COMT: variants seen among roughly 807,000 people sequenced by gnomAD.
COMT encodes catechol O-methyltransferase.
In COMT, 13 loss-of-function variants were observed where a neutral mutation model predicts 18.9. That is an observed-to-expected ratio of 0.69 (90% confidence interval 0.45 to 1.09). COMT has a LOEUF of 1.09. COMT is among the 50% of genes least tolerant of loss of function. The probability of loss-of-function intolerance (pLI) is 0.00; values close to 1 mark genes in which losing one functional copy is unlikely to be tolerated. For synonymous variants in COMT, 150 were observed against 160.9 expected (o/e 0.93, Z 0.51); for missense variants, 329 against 361.8 (o/e 0.91, Z 0.73).
rs1036365119 is a variant in COMT, at chr22:19,962,443, G to A, written c.1-84G>A. On this transcript the variant is annotated intron_variant, in intron 2 of 5. Coordinates refer to ENST00000361682, the MANE Select transcript of COMT (RefSeq NM_000754.4). ...TGCCCCTCTGCAAACACAAGGGGGC[G>A]ATGGTGGCACTCCAAGCAAAGGGGC... 12 of 1,538,532 alleles carry A rather than the reference G, an allele frequency of 7.8e-6. No homozygotes were observed. The African/African-American group carries it at 8.2e-5, about 10-fold the overall frequency.
In COMT at chr22:19,962,791, G is replaced by A; in HGVS notation, c.265G>A (p.Ala89Thr). The A allele has an allele frequency of 1.2e-6, 2 of 1,606,436 alleles. No individual in the cohort carries two copies. ...IDTYCEQKEW[A>T]MNVGDKKGKI... ...CACCTACTGCGAGCAGAAGGAGTGG[G>A]CCATGAACGTGGGCGACAAGAAAGG... Residue 89 changes from alanine to threonine, a missense_variant, in exon 3 of 6, where the codon GCC becomes ACC. Physicochemically the swap from Ala to Thr is moderately conservative, Grantham distance 58. Transcript: ENST00000361682.
chr22:19,943,546 G>A (rs1342586314), intron 1 of COMT, among the ~76,000 whole-genome samples: 1 of 152,014 alleles, frequency 6.6e-6, no homozygotes, highest in Admixed American at 6.6e-5. Context: ...GGAGGCTGAG[G>A]TGAAAAGATC....
At chr22:19,951,465 C>T (rs1941936739) in intron 1 of COMT, 1 of 151,592 alleles carries the variant, frequency 6.6e-6, no homozygotes, top group Admixed American at 6.6e-5. Context: ...ATCCGATATT[C>T]TTCCGGACCA....
chr22:19,964,502 G>A, intron 5 of COMT: 1 of 792,838 alleles, frequency 1.3e-6, no homozygotes, highest in Non-Finnish European at 2.1e-6. Flanking sequence ...TGGGCCAGGG[G>A]CCTGGCTGGG....
chr22:19,950,241 C>CTTTTCTTTTTTTTTTTTTT (rs1941904578), intron 1 of COMT, among the ~76,000 whole-genome samples: 1 of 87,850 alleles, frequency 1.1e-5, no homozygotes, highest in African/African-American at 4.4e-5. Flanking sequence ...CTTTTCTTTT[C>CTTTTCTTTTTTTTTTTTTT]TTTTTTTTTT....
chr22:19,947,982 G>T (rs1941867082), intron 1 of COMT, among the ~76,000 whole-genome samples: 1 of 152,110 alleles, frequency 6.6e-6, no homozygotes, highest in African/African-American at 2.4e-5. Flanking sequence ...CTTGTCTTCT[G>T]GTCACTTCTC....
intron 1 of COMT, among the ~76,000 whole-genome samples, chr22:19,951,900 C>T (rs1164538932): frequency 6.6e-6 from 1 of 152,206 alleles, no homozygotes; most frequent in African/African-American, 2.4e-5. Context: ...GACAGGGGCC[C>T]CATCTTCAGG....
chr22:19,959,564 T>G (rs1942144330), intron 1 of COMT, among the ~76,000 whole-genome samples: 2 of 149,956 alleles, frequency 1.3e-5, no homozygotes, highest in Admixed American at 6.6e-5. Context: ...GGAGCGGAGG[T>G]GGTTAGCTGT....
In COMT at chr22:19,954,374, A is replaced by C. The variant is rs563180100; in HGVS notation, c.-91-6825A>C. 4.3e-3 allele frequency among the ~76,000 whole-genome samples: 661 copies of C among 152,214 alleles called. 19 individuals carry two copies. The highest frequency in any genetic ancestry group is 3.7e-3 in the East Asian group (19 of 5,184). On this transcript the variant is annotated intron_variant, in intron 1 of 5. Coordinates refer to ENST00000361682, the MANE Select transcript of COMT (RefSeq NM_000754.4). Reference sequence around the variant, plus strand: ...CAGCCCCTTTCCCTATGTAGGGTGCAGTCTTTGTTGCAACTGCTCACCTCT... The same window carrying C: ...CAGCCCCTTTCCCTATGTAGGGTGCCGTCTTTGTTGCAACTGCTCACCTCT...
At chr22:19,948,546 T>C (rs1352689322) in intron 1 of COMT, among the ~76,000 whole-genome samples, 1 of 152,044 alleles carries the variant, frequency 6.6e-6, no homozygotes, top group Non-Finnish European at 1.5e-5. Flanking sequence ...TGTAGTCCCA[T>C]GTACTCTGAA....
intron 1 of COMT, among the ~76,000 whole-genome samples, chr22:19,957,101 C>T (rs1032286958): frequency 6.6e-6 from 1 of 151,984 alleles, no homozygotes; most frequent in Non-Finnish European, 1.5e-5. Flanking sequence ...CAGGTGCCTG[C>T]CACCACACCC....
intron 1 of COMT, among the ~76,000 whole-genome samples, chr22:19,945,916 C>T (rs377388665): frequency 3.3e-5 from 5 of 152,188 alleles, no homozygotes; most frequent in African/African-American, 1.2e-4. Context: ...CCACCCGCCT[C>T]GGCCTCCCAA....
At chr22:19,958,166 ATT>A (rs361708) in intron 1 of COMT, among the ~76,000 whole-genome samples, 52,191 of 139,124 alleles carry the variant, frequency 0.38, 9,543 homozygotes, top group Non-Finnish European at 0.42. Context: ...AGCATGTTTA[ATT>A]TTTTTTTTTT....
chr22:19,955,888 C>T (rs1439644443), intron 1 of COMT, among the ~76,000 whole-genome samples: 1 of 152,186 alleles, frequency 6.6e-6, no homozygotes, highest in South Asian at 2.1e-4. Flanking sequence ...TTTCAGAGCA[C>T]AACCTGAGGT....
chr22:19,968,633 G>A lies in COMT; in HGVS notation c.713G>A (p.Cys238Tyr). The change falls in exon 6 of 6, where the codon TGC becomes TAC. Residue 238 changes from cysteine (C) to tyrosine (Y), a missense_variant. Cys to Tyr is a radical substitution (Grantham distance 194). Transcript: ENST00000361682. Reference sequence around the variant, plus strand: ...CTAGCACACGTGCGCGGGAGCAGCTGCTTTGAGTGCACACACTACCAATCG... The same window carrying A: ...CTAGCACACGTGCGCGGGAGCAGCTACTTTGAGTGCACACACTACCAATCG... Reference protein sequence around the residue: ...DFLAHVRGSSCFECTHYQSFL... With the variant: ...DFLAHVRGSSYFECTHYQSFL... The A allele has an allele frequency of 1.2e-6, 2 of 1,614,102 alleles. No individual in the cohort carries two copies. Among genetic ancestry groups the A allele is most frequent in the Non-Finnish European group, 1.7e-6 (2 of 1,180,008 alleles).
chr22:19,958,052 A>G (rs1342326191), intron 1 of COMT, among the ~76,000 whole-genome samples: 1 of 151,880 alleles, frequency 6.6e-6, no homozygotes, highest in African/African-American at 2.4e-5. Flanking sequence ...CTTGGTATAC[A>G]CCTAGGAGTA....
chr22:19,962,823 C>T lies in COMT; in HGVS notation c.289+8C>T, dbSNP rs1162280459. 6.3e-7 allele frequency: 1 copy of T among 1,599,894 alleles called. No homozygotes were observed. The highest frequency in any genetic ancestry group is 1.7e-5 in the Admixed American group (1 of 59,730). On this transcript the variant is annotated splice_region_variant and intron_variant, in intron 3 of 5. Coordinates refer to ENST00000361682, the MANE Select transcript of COMT (RefSeq NM_000754.4). ...ACGTGGGCGACAAGAAAGGTGGGGTCCGGGCCAGCAGGTGCTCAGCTCTGG... is the reference window on the plus strand; with the variant it reads ...ACGTGGGCGACAAGAAAGGTGGGGTTCGGGCCAGCAGGTGCTCAGCTCTGG...
chr22:19,968,486 C>T, intron 5 of COMT, 50 bp from the exon 6 acceptor site: 1 of 1,573,960 alleles, frequency 6.4e-7, no homozygotes, highest in South Asian at 1.1e-5. Flanking sequence ...GGGGCAGGTT[C>T]TCTGGGCACC....
intron 1 of COMT, among the ~76,000 whole-genome samples, chr22:19,955,035 A>G (rs1467046591): frequency 6.6e-6 from 1 of 152,132 alleles, no homozygotes; most frequent in Non-Finnish European, 1.5e-5. Context: ...TTTTAGAGAC[A>G]GTGTCTGTCG....
Sources: allele counts gnomAD v4.1 joint callset (sites outside exome capture counted in the v4.1 genomes callset), GRCh38; gene constraint gnomAD v4.1.1; transcripts MANE v1.5; gene names NCBI Gene and HGNC (gene_info 2026-07-23, HGNC 2026-07-21).